PKNOX2: variants seen among roughly 807,000 people sequenced by gnomAD.
PKNOX2 encodes the protein homeobox protein PKNOX2.
PKNOX2 carries 14 observed loss-of-function variants against 53.1 expected under a neutral mutation model. That is an observed-to-expected ratio of 0.26 (90% CI 0.17 to 0.41). The LOEUF (loss-of-function observed/expected upper bound fraction) is 0.41. Ranked by LOEUF, PKNOX2 falls within the 10% of genes least tolerant of loss-of-function variation. PKNOX2 has a pLI of 1.00. For synonymous variants in PKNOX2, 257 were observed against 242.8 expected, an observed-to-expected ratio of 1.06 and a Z score of -0.54; for missense variants, 496 against 602.8, an observed-to-expected ratio of 0.82 and a Z score of 1.85.
chr11:125,371,613 G>A (rs541223502), intron 5 of PKNOX2, among the ~76,000 whole-genome samples: 12 of 152,214 alleles, frequency 7.9e-5, no homozygotes, highest in Middle Eastern at 6.8e-3. Context: ...CCTGAGGAGC[G>A]GAAGAGGGGC....
intron 2 of PKNOX2, among the ~76,000 whole-genome samples, chr11:125,314,270 G>C (rs960367568): frequency 1.3e-5 from 2 of 152,154 alleles, no homozygotes; most frequent in South Asian, 4.1e-4. Context: ...CAGAGCACCT[G>C]CAGTGCGGTG....
intron 1 of PKNOX2, among the ~76,000 whole-genome samples, chr11:125,204,592 G>C (rs77699340): frequency 0.024 from 3,616 of 152,212 alleles, 154 homozygotes; most frequent in African/African-American, 0.081. Context: ...TGTGAGTTCT[G>C]GGGAAGTCGA....
chr11:125,226,102 G>A (rs1056422123), intron 1 of PKNOX2, among the ~76,000 whole-genome samples: 2 of 152,110 alleles, frequency 1.3e-5, no homozygotes, highest in African/African-American at 2.4e-5. Context: ...CACAAGACAC[G>A]TAATATTAAC....
chr11:125,232,681 G>GT lies in PKNOX2; in HGVS notation c.-200-2363dup, dbSNP rs148778693. 1.1e-4 allele frequency among the ~76,000 whole-genome samples: 16 copies of GT among 152,264 alleles called. No homozygotes were observed. In the East Asian group the frequency reaches 2.9e-3, roughly 28 times the overall value. On this transcript the variant is annotated intron_variant, in intron 1 of 12. Coordinates refer to ENST00000298282, the MANE Select transcript of PKNOX2 (RefSeq NM_001382323.2). ...CTACATATAGAACTAATACAAACTGGTAAGTTCAGAATGGAGGAGATCATT... is the reference window on the plus strand; with the variant it reads ...CTACATATAGAACTAATACAAACTGGTTAAGTTCAGAATGGAGGAGATCATT...
At chr11:125,295,686 CA>C (rs1947613537) in intron 2 of PKNOX2, among the ~76,000 whole-genome samples, 1 of 152,194 alleles carries the variant, frequency 6.6e-6, no homozygotes, top group African/African-American at 2.4e-5. Flanking sequence ...AGGCCTGAGA[CA>C]GGGTCACTGG....
intron 1 of PKNOX2, among the ~76,000 whole-genome samples, chr11:125,218,229 A>G (rs1239441857): frequency 6.6e-6 from 1 of 152,042 alleles, no homozygotes; most frequent in Non-Finnish European, 1.5e-5. Context: ...CATGAATACC[A>G]CCTCACGCTG....
chr11:125,414,755 A>G (rs1332707704), intron 10 of PKNOX2, among the ~76,000 whole-genome samples: 1 of 152,200 alleles, frequency 6.6e-6, no homozygotes, highest in East Asian at 1.9e-4. Context: ...TGAAAAAAAA[A>G]AAAAGAAGCT....
chr11:125,252,102 G>A (rs1944049216), intron 2 of PKNOX2, among the ~76,000 whole-genome samples: 1 of 152,200 alleles, frequency 6.6e-6, no homozygotes, highest in African/African-American at 2.4e-5. Context: ...CGCTCGTCAA[G>A]CGGTGAAGAG....
intron 10 of PKNOX2, among the ~76,000 whole-genome samples, chr11:125,428,033 G>C (rs891773488): frequency 2.6e-5 from 4 of 152,098 alleles, no homozygotes; most frequent in African/African-American, 9.7e-5. Context: ...AGCCTCTACA[G>C]GGCTCATCAC....
At chr11:125,405,117 G>C (rs377305974) in intron 7 of PKNOX2, among the ~76,000 whole-genome samples, 1 of 152,030 alleles carries the variant, frequency 6.6e-6, no homozygotes, top group South Asian at 2.1e-4. Context: ...TCCGGCCACC[G>C]ACTCACCGTC....
At chr11:125,363,707 G>T (rs1952040963) in intron 4 of PKNOX2, among the ~76,000 whole-genome samples, 1 of 152,202 alleles carries the variant, frequency 6.6e-6, no homozygotes, top group African/African-American at 2.4e-5. Context: ...TCTGAGACCA[G>T]CTGTGAATGC....
Position 125,422,006 on chromosome 11 carries a change from G to A in PKNOX2, c.937-7006G>A, listed in dbSNP as rs1956198232. On this transcript the variant is annotated intron_variant, in intron 10 of 12. Coordinates refer to ENST00000298282, the MANE Select transcript of PKNOX2 (RefSeq NM_001382323.2). This position sits in a 1 kb window ranked among gnomAD's most constrained non-coding sequence, Gnocchi z 4.1. ...TTAACAGGGTTTGGTTGGAGAAGCT[G>A]GCATTTGGGCTGGGCCTTATGAAGG... 6.6e-6 allele frequency among the ~76,000 whole-genome samples: 1 copy of A among 152,192 alleles called. No homozygotes were observed. The highest frequency in any genetic ancestry group is 2.4e-5 in the African/African-American group (1 of 41,450).
intron 2 of PKNOX2, among the ~76,000 whole-genome samples, chr11:125,313,465 G>A (rs1278074524): frequency 6.6e-6 from 1 of 152,188 alleles, no homozygotes; most frequent in East Asian, 1.9e-4. Context: ...TCCCCTCAAG[G>A]AGTTCCTGGA....
intron 2 of PKNOX2, among the ~76,000 whole-genome samples, chr11:125,306,409 C>A (rs945208684): frequency 6.6e-6 from 1 of 152,182 alleles, no homozygotes; most frequent in South Asian, 2.1e-4. Flanking sequence ...CTCCCAGGCC[C>A]GCTTCTCCTG....
chr11:125,426,505 C>T (rs10893378), intron 10 of PKNOX2, among the ~76,000 whole-genome samples: 1 of 151,920 alleles, frequency 6.6e-6, no homozygotes. Flanking sequence ...CGGCCACTAG[C>T]TCTGCTCAAG....
intron 1 of PKNOX2, among the ~76,000 whole-genome samples, chr11:125,169,144 G>C (rs1279945221): frequency 6.6e-6 from 1 of 152,174 alleles, no homozygotes; most frequent in Non-Finnish European, 1.5e-5. Flanking sequence ...CCAAGTGTCT[G>C]GATCAAACAA....
At chr11:125,285,262 AG>A (rs1421812332) in intron 2 of PKNOX2, among the ~76,000 whole-genome samples, 5 of 152,160 alleles carry the variant, frequency 3.3e-5, no homozygotes, top group Non-Finnish European at 7.3e-5. Context: ...TGCTTTGAAA[AG>A]GGCTCTGGTG....
rs200817457 is a variant in PKNOX2 at position 125,279,992 on chromosome 11, AAT to A, written c.-130+44886_-130+44887del. 6.2e-3 allele frequency among the ~76,000 whole-genome samples: 939 copies of A among 151,638 alleles called. 10 individuals are homozygous for A. The highest frequency in any genetic ancestry group is 0.02 in the African/African-American group (843 of 41,418). ...TAACTCATTTTATACATATATATTA[AAT>A]ATATATATTTTTTCCTTTAAAGGAA... On this transcript the variant is annotated intron_variant, in intron 2 of 12. Coordinates refer to ENST00000298282, the MANE Select transcript of PKNOX2 (RefSeq NM_001382323.2).
At chr11:125,189,054 G>A (rs1956624583) in intron 1 of PKNOX2, among the ~76,000 whole-genome samples, 2 of 151,966 alleles carry the variant, frequency 1.3e-5, no homozygotes, top group Non-Finnish European at 2.9e-5. Context: ...ATCAACTTAG[G>A]GCAAGAGAAG....
Sources: allele counts gnomAD v4.1 joint callset (sites outside exome capture counted in the v4.1 genomes callset), GRCh38; gene constraint gnomAD v4.1.1; non-coding constraint Gnocchi (gnomAD v3.1); transcripts MANE v1.5; gene names NCBI Gene and HGNC (gene_info 2026-07-23, HGNC 2026-07-21).